Variants in KANK1 observed in about 807,000 individuals in gnomAD.
KANK1 encodes KN motif and ankyrin repeat domains 1.
A neutral mutation model predicts 106.2 loss-of-function variants in KANK1; 109 were observed. The ratio of observed to expected loss-of-function variants is 1.03; its 90% confidence interval spans 0.88 to 1.20. KANK1 has a LOEUF of 1.20. KANK1 is among the 50% of genes most tolerant of loss of function. The probability of loss-of-function intolerance (pLI) is 0.00; values close to 1 mark genes in which losing one functional copy is unlikely to be tolerated. For synonymous variants in KANK1, 873 were observed against 652.2 expected (o/e 1.34, Z -5.16); for missense variants, 2,399 against 1,710.7 (o/e 1.40, Z -7.10).
intron 1 of KANK1, among the ~76,000 whole-genome samples, chr9:551,590 G>A (rs1215199561): frequency 1.3e-5 from 2 of 152,126 alleles, no homozygotes; most frequent in Non-Finnish European, 2.9e-5. Context: ...GGTGAGGACC[G>A]TTTATAATGG....
At chr9:587,677 T>C (rs563069893) in intron 1 of KANK1, among the ~76,000 whole-genome samples, 7 of 152,228 alleles carry the variant, frequency 4.6e-5, no homozygotes, top group Admixed American at 1.3e-4. Flanking sequence ...GCTTGTGCTG[T>C]GCCAAGCTAA....
At chr9:598,779 C>T (rs1167846333) in intron 1 of KANK1, among the ~76,000 whole-genome samples, 1 of 148,510 alleles carries the variant, frequency 6.7e-6, no homozygotes, top group Non-Finnish European at 1.5e-5. Flanking sequence ...TACAGGCGCA[C>T]ACCACTACGC....
At chr9:495,171 G>A (rs907210152) in intron 3 of KANK1, 3 of 152,102 alleles carry the variant, frequency 2.0e-5, no homozygotes, top group East Asian at 1.9e-4. Context: ...GCAGAATTTC[G>A]GAGAAGGTCC....
At chr9:475,268 A>C (rs779571680) in intron 3 of KANK1, among the ~76,000 whole-genome samples, 1 of 152,232 alleles carries the variant, frequency 6.6e-6, no homozygotes, top group Non-Finnish European at 1.5e-5. Context: ...CCATTCCAGC[A>C]AATACACTGT....
intron 1 of KANK1, among the ~76,000 whole-genome samples, chr9:563,666 G>A (rs886181075): frequency 7.9e-4 from 120 of 152,284 alleles, no homozygotes; most frequent in African/African-American, 2.8e-3. Context: ...AAGTGTCAGT[G>A]AAATTGAGTC....
At chr9:673,030 G>C (rs1055636190) in intron 1 of KANK1, among the ~76,000 whole-genome samples, 2 of 152,016 alleles carry the variant, frequency 1.3e-5, no homozygotes, top group African/African-American at 4.8e-5. Flanking sequence ...ACCTTTTCTG[G>C]TTTATACAAT....
At chr9:592,530 T>G (rs1049447519) in intron 1 of KANK1, among the ~76,000 whole-genome samples, 3 of 151,830 alleles carry the variant, frequency 2.0e-5, no homozygotes, top group Non-Finnish European at 4.4e-5. Context: ...AGTACGTTTT[T>G]TCATCCATCG....
intron 2 of KANK1, among the ~76,000 whole-genome samples, chr9:686,473 A>AC (rs1818597631): frequency 6.6e-6 from 1 of 152,206 alleles, no homozygotes; most frequent in African/African-American, 2.4e-5. Flanking sequence ...GCCTGATGAT[A>AC]CACTGATTTT....
chr9:507,985 T>G (rs899307963), intron 1 of KANK1, among the ~76,000 whole-genome samples: 17 of 151,936 alleles, frequency 1.1e-4, no homozygotes, highest in South Asian at 1.0e-3. Context: ...CACACTTGGC[T>G]AATTTTTGTA....
chr9:562,953 A>G (rs1187058688), intron 1 of KANK1, among the ~76,000 whole-genome samples: 1 of 152,228 alleles, frequency 6.6e-6, no homozygotes, highest in Non-Finnish European at 1.5e-5. Flanking sequence ...TGTGCTTCTC[A>G]TCTTTGTGGA....
At chr9:595,396 G>A (rs1825960946) in intron 1 of KANK1, among the ~76,000 whole-genome samples, 1 of 151,956 alleles carries the variant, frequency 6.6e-6, no homozygotes, top group Non-Finnish European at 1.5e-5. Context: ...TAATGCCATT[G>A]CAGGAGCACT....
intron 1 of KANK1, among the ~76,000 whole-genome samples, chr9:657,705 G>A (rs886588138): frequency 6.6e-6 from 1 of 152,104 alleles, no homozygotes; most frequent in African/African-American, 2.4e-5. Flanking sequence ...TGCGTATGCT[G>A]CGTTGGTAAC....
chr9:615,307 C>T (rs1056499047), intron 1 of KANK1, among the ~76,000 whole-genome samples: 1 of 152,304 alleles, frequency 6.6e-6, no homozygotes, highest in Non-Finnish European at 1.5e-5. Flanking sequence ...TGTTAATAGA[C>T]ACATAATTTG....
At chr9:663,943 G>A (rs1426353341) in intron 1 of KANK1, among the ~76,000 whole-genome samples, 1 of 152,106 alleles carries the variant, frequency 6.6e-6, no homozygotes, top group Non-Finnish European at 1.5e-5. Context: ...GCTCTCATGG[G>A]AACTCTTCAA....
intron 1 of KANK1, among the ~76,000 whole-genome samples, chr9:620,777 A>G (rs753154992): frequency 2.0e-5 from 3 of 152,206 alleles, no homozygotes; most frequent in Admixed American, 6.5e-5. Context: ...TAAAAAGCCA[A>G]CTTTTAAAAA....
intron 1 of KANK1, among the ~76,000 whole-genome samples, chr9:572,387 A>G (rs1819433909): frequency 6.6e-6 from 1 of 151,798 alleles, no homozygotes; most frequent in Admixed American, 6.6e-5. Context: ...CGTCTCTACT[A>G]AAAAATAGAA....
chr9:660,581 T>C (rs954786941), intron 1 of KANK1, among the ~76,000 whole-genome samples: 2 of 152,026 alleles, frequency 1.3e-5, no homozygotes, highest in African/African-American at 4.8e-5. Flanking sequence ...AACAAAGCAA[T>C]ACTGTCATGT....
Position 547,144 on chromosome 9 carries a change from C to G in KANK1, c.-84+42390C>G, listed in dbSNP as rs539749618. 8.5e-5 allele frequency among the ~76,000 whole-genome samples: 13 copies of G among 152,300 alleles called. No individual in the cohort carries two copies. In the South Asian group the frequency reaches 1.7e-3, roughly 19 times the overall value. On this transcript the variant is annotated intron_variant, in intron 1 of 11. Coordinates refer to ENST00000382297, the MANE Select transcript of KANK1 (RefSeq NM_015158.5). ...TTTTCAGCCTTCTCACATTGCAGCACGAGAGTCCCTTAGACATGCTGGCTG... is the reference window on the plus strand; with the variant it reads ...TTTTCAGCCTTCTCACATTGCAGCAGGAGAGTCCCTTAGACATGCTGGCTG...
chr9:527,974 AC>A (rs2059873878), intron 1 of KANK1, among the ~76,000 whole-genome samples: 1 of 152,018 alleles, frequency 6.6e-6, no homozygotes, highest in East Asian at 1.9e-4. Context: ...TACTAAAAAT[AC>A]AAAAAATTAG....
Sources: allele counts gnomAD v4.1 joint callset (sites outside exome capture counted in the v4.1 genomes callset), GRCh38; gene constraint gnomAD v4.1.1; transcripts MANE v1.5; gene names NCBI Gene and HGNC (gene_info 2026-07-23, HGNC 2026-07-21).